The following DCLK1 variants were observed in gnomAD, a reference collection of about 807,000 sequenced individuals.
DCLK1 encodes the protein serine/threonine-protein kinase DCLK1.
A neutral mutation model predicts 86.2 loss-of-function variants in DCLK1; 16 were observed. The ratio of observed to expected loss-of-function variants is 0.19; its 90% CI spans 0.13 to 0.28. The LOEUF is 0.28. Among genes scored for constraint, DCLK1 ranks in the 10% least tolerant of loss-of-function variants. DCLK1 has a pLI of 1.00. For missense variants in DCLK1, 590 were observed against 940.2 expected, an observed-to-expected ratio of 0.63 and a Z score of 4.87; for synonymous variants, 369 against 370.5, an observed-to-expected ratio of 1.00 and a Z score of 0.05.
At chr13:35,813,730 C>CT (rs35366486) in intron 11 of DCLK1, among the ~76,000 whole-genome samples, 26,755 of 105,174 alleles carry the variant, frequency 0.25, 3,186 homozygotes, top group East Asian at 0.35. Context: ...CCCCGCCCCG[C>CT]TTTTTTTTTT....
chr13:35,821,362 G>C (rs556351384), intron 11 of DCLK1, among the ~76,000 whole-genome samples: 1 of 152,096 alleles, frequency 6.6e-6, no homozygotes, highest in Admixed American at 6.6e-5. Context: ...GTGTGTATGC[G>C]GGTTACCTGG....
chr13:36,084,579 T>G (rs1884531977), intron 3 of DCLK1, among the ~76,000 whole-genome samples: 1 of 152,248 alleles, frequency 6.6e-6, no homozygotes, highest in Non-Finnish European at 1.5e-5. Flanking sequence ...ATAGTCATTC[T>G]ATTTCAAGAT....
At chr13:36,084,361 GACGTACAATC>G (rs1884524717) in intron 3 of DCLK1, among the ~76,000 whole-genome samples, 2 of 152,154 alleles carry the variant, frequency 1.3e-5, no homozygotes, top group African/African-American at 4.8e-5. Context: ...TCAAATGACT[GACGTACAATC>G]ACCGGGCACA....
chr13:36,018,977 T>C (rs1288006084), intron 3 of DCLK1, among the ~76,000 whole-genome samples: 1 of 152,210 alleles, frequency 6.6e-6, no homozygotes, highest in African/African-American at 2.4e-5. Context: ...CAAAATATTA[T>C]AGACCCAATT....
chr13:36,068,721 A>T (rs1004998273), intron 3 of DCLK1, among the ~76,000 whole-genome samples: 1 of 152,308 alleles, frequency 6.6e-6, no homozygotes, highest in Admixed American at 6.5e-5. Flanking sequence ...TGTTCTCCAC[A>T]ATAAACTTCT....
At chr13:35,828,456 A>G in intron 8 of DCLK1, 149 bp from the exon 9 acceptor site, 1 of 673,402 alleles carries the variant, frequency 1.5e-6, no homozygotes, top group African/African-American at 1.8e-5. Context: ...TTAAAAAAAA[A>G]CAAATAAATA....
chr13:36,111,009 T>A (rs1027014040), intron 3 of DCLK1, among the ~76,000 whole-genome samples: 3 of 151,684 alleles, frequency 2.0e-5, no homozygotes, highest in African/African-American at 7.3e-5. Context: ...TTTTTTTTTT[T>A]ATTTTGAGTA....
At chr13:36,131,901 C>T (rs771806258), upstream of DCLK1, among the ~76,000 whole-genome samples, 3 of 152,246 alleles carry the variant, frequency 2.0e-5, no homozygotes, top group Non-Finnish European at 4.4e-5. Context: ...AAGCTATGCA[C>T]TCTGGTGCCC....
chr13:35,884,690 C>G (rs1198873191), intron 4 of DCLK1, among the ~76,000 whole-genome samples: 3 of 152,100 alleles, frequency 2.0e-5, no homozygotes, highest in Non-Finnish European at 4.4e-5. Context: ...TGGTCCAATA[C>G]TCAACCTACT....
chr13:35,917,692 A>T (rs1875504776), intron 4 of DCLK1, among the ~76,000 whole-genome samples: 1 of 152,102 alleles, frequency 6.6e-6, no homozygotes, highest in Admixed American at 6.6e-5. Context: ...TGAATTCGAA[A>T]CCCAGCTGCA....
chr13:35,994,205 G>A (rs1880375928), intron 3 of DCLK1, among the ~76,000 whole-genome samples: 2 of 152,166 alleles, frequency 1.3e-5, no homozygotes, highest in South Asian at 4.1e-4. Context: ...AGGCTTGACT[G>A]AAGTGTTCCA....
chr13:35,962,103 C>A (rs1044037200), intron 3 of DCLK1, among the ~76,000 whole-genome samples: 3 of 152,126 alleles, frequency 2.0e-5, no homozygotes, highest in Non-Finnish European at 4.4e-5. Context: ...CTACAGCGAA[C>A]AAAATAGTTA....
intron 16 of DCLK1, among the ~76,000 whole-genome samples, chr13:35,785,336 T>C (rs898695916): frequency 2.0e-5 from 3 of 152,028 alleles, no homozygotes; most frequent in Admixed American, 6.6e-5. Context: ...GGGGAAAATA[T>C]AACGGGATGC....
intron 4 of DCLK1, among the ~76,000 whole-genome samples, chr13:35,932,496 G>T (rs1194844356): frequency 2.0e-5 from 3 of 152,204 alleles, no homozygotes; most frequent in African/African-American, 7.2e-5. Context: ...ACAAAAGAAA[G>T]AGGTTTAATT....
intron 3 of DCLK1, among the ~76,000 whole-genome samples, chr13:36,090,396 A>T (rs2138134925): frequency 6.6e-6 from 1 of 152,256 alleles, no homozygotes; most frequent in South Asian, 2.1e-4. Flanking sequence ...ACAGAATGGG[A>T]TGGCACAGAC....
chr13:35,826,550 A>AGGAGGGAGGGAGGGAGGGAGGGAGG (rs1351890514), intron 10 of DCLK1, among the ~76,000 whole-genome samples: 2 of 28,692 alleles, frequency 7.0e-5, no homozygotes, highest in Non-Finnish European at 1.2e-4. Context: ...AAAGAAAGAA[A>AGGAGGGAGGGAGGGAGGGAGGGAGG]GAAAGAAAGA....
At chr13:35,855,276 C>A (rs1357591846) in intron 5 of DCLK1, among the ~76,000 whole-genome samples, 1 of 152,180 alleles carries the variant, frequency 6.6e-6, no homozygotes, top group Non-Finnish European at 1.5e-5. Context: ...TGAACTAAAG[C>A]CACAGAACTC....
intron 4 of DCLK1, among the ~76,000 whole-genome samples, chr13:35,895,801 G>A (rs886217486): frequency 2.6e-5 from 4 of 150,956 alleles, no homozygotes; most frequent in South Asian, 2.1e-4. Context: ...GAGAGTAAAC[G>A]CTCTTTTAGT....
chr13:35,987,132 T>C (rs1879956425), intron 3 of DCLK1, among the ~76,000 whole-genome samples: 1 of 152,130 alleles, frequency 6.6e-6, no homozygotes, highest in Non-Finnish European at 1.5e-5. Context: ...GAATTAAGTA[T>C]CAGTGGCGGC....
Sources: gnomAD v4.1 joint callset for allele counts (sites outside exome capture counted in the v4.1 genomes callset) on GRCh38, gnomAD v4.1.1 for gene constraint, MANE v1.5 for transcripts, NCBI Gene and HGNC (gene_info 2026-07-23, HGNC 2026-07-21) for gene names.